The following AFF3 variants were observed in gnomAD, a reference collection of about 807,000 sequenced individuals.
The protein encoded by AFF3 is AF4/FMR2 family member 3.
In AFF3, 32 loss-of-function variants were observed where a neutral mutation model predicts 129.7. The observed-to-expected ratio is 0.25, with a 90% CI of 0.19 to 0.33. The LOEUF is 0.33. AFF3 is among the 10% of genes least tolerant of loss of function. The pLI is 1.00. For synonymous variants in AFF3, 644 were observed against 635.4 expected, an observed-to-expected ratio of 1.01 and a Z score of -0.20; for missense variants, 1,373 against 1,592.0, an observed-to-expected ratio of 0.86 and a Z score of 2.34.
At chr2:99,623,070 C>T (rs967488379) in intron 13 of AFF3, among the ~76,000 whole-genome samples, 1 of 151,756 alleles carries the variant, frequency 6.6e-6, no homozygotes, top group Non-Finnish European at 1.5e-5. Context: ...CTTCAGAGCA[C>T]ACCTGGCAGC....
intron 4 of AFF3, among the ~76,000 whole-genome samples, chr2:100,026,951 G>A (rs1684103240): frequency 1.3e-5 from 2 of 151,868 alleles, no homozygotes; most frequent in African/African-American, 2.4e-5. Flanking sequence ...AGGGTGGCAA[G>A]GGATAAAAGA....
intron 24 of AFF3, among the ~76,000 whole-genome samples, chr2:99,553,237 T>C (rs1394791744): frequency 6.6e-6 from 1 of 152,218 alleles, no homozygotes; most frequent in Non-Finnish European, 1.5e-5. Context: ...CATGGTTCCA[T>C]GCCAGCTCCT....
At chr2:100,080,462 A>C (rs917075444) in intron 4 of AFF3, among the ~76,000 whole-genome samples, 1 of 151,638 alleles carries the variant, frequency 6.6e-6, no homozygotes, top group African/African-American at 2.4e-5. Context: ...AACAAACAAA[A>C]ACTCTATGCA....
At chr2:100,093,866 T>C (rs190839121) in intron 4 of AFF3, among the ~76,000 whole-genome samples, 15 of 152,340 alleles carry the variant, frequency 9.8e-5, no homozygotes, top group Middle Eastern at 3.4e-3. Flanking sequence ...GACTTCATCC[T>C]AGACAGTCAC....
At chr2:99,767,472 C>A (rs1436993551) in intron 8 of AFF3, among the ~76,000 whole-genome samples, 3 of 152,194 alleles carry the variant, frequency 2.0e-5, no homozygotes, top group African/African-American at 7.2e-5. Flanking sequence ...ACTAAACATT[C>A]CACAGGTGTT....
intron 8 of AFF3, among the ~76,000 whole-genome samples, chr2:99,806,457 G>T (rs535384139): frequency 5.2e-4 from 79 of 152,152 alleles, no homozygotes; most frequent in Non-Finnish European, 9.7e-4. Flanking sequence ...AGGACCCCAG[G>T]AGCATGGAGG....
chr2:99,679,211 G>A (rs918553807), intron 11 of AFF3, among the ~76,000 whole-genome samples: 19 of 152,148 alleles, frequency 1.2e-4, no homozygotes, highest in African/African-American at 4.3e-4. Context: ...TAGCAAGGTG[G>A]TATTTGCTCA....
chr2:100,076,209 T>C (rs1216537689), intron 4 of AFF3, among the ~76,000 whole-genome samples: 2 of 152,182 alleles, frequency 1.3e-5, no homozygotes, highest in African/African-American at 4.8e-5. Flanking sequence ...AACTCTGCCT[T>C]ATCCTCAATT....
At chr2:100,048,996 A>C (rs1273780152) in intron 4 of AFF3, among the ~76,000 whole-genome samples, 3 of 152,196 alleles carry the variant, frequency 2.0e-5, no homozygotes, top group Admixed American at 2.0e-4. Flanking sequence ...CTGGCTTCCA[A>C]AGCACAACTG....
chr2:99,571,355 G>C (rs532580784), intron 18 of AFF3, among the ~76,000 whole-genome samples: 212 of 152,126 alleles, frequency 1.4e-3, no homozygotes, highest in Non-Finnish European at 2.4e-3. Context: ...TTTCATTAAA[G>C]GATTATCTTG....
At chr2:99,834,629 T>G (rs1324942886) in intron 8 of AFF3, among the ~76,000 whole-genome samples, 1 of 152,202 alleles carries the variant, frequency 6.6e-6, no homozygotes, top group Non-Finnish European at 1.5e-5. Flanking sequence ...GTTTCTGTGG[T>G]CTAATCCATT....
intron 7 of AFF3, among the ~76,000 whole-genome samples, chr2:99,879,923 CCAAA>C (rs776445774): frequency 4.6e-5 from 7 of 152,120 alleles, no homozygotes; most frequent in African/African-American, 1.2e-4. Context: ...CAGTTAAAAA[CCAAA>C]CAGAGCATCA....
chr2:99,591,937 T>C (rs1678722669), intron 15 of AFF3, among the ~76,000 whole-genome samples: 1 of 152,206 alleles, frequency 6.6e-6, no homozygotes, highest in African/African-American at 2.4e-5. Flanking sequence ...ATTTAACATG[T>C]ATAAAGTGCC....
At chr2:99,929,893 G>A (rs184594044) in intron 7 of AFF3, among the ~76,000 whole-genome samples, 50 of 151,370 alleles carry the variant, frequency 3.3e-4, no homozygotes, top group South Asian at 1.3e-3. Context: ...GGGTAAATGC[G>A]CCATTATACA....
intron 4 of AFF3, among the ~76,000 whole-genome samples, chr2:100,096,216 A>G (rs898989907): frequency 2.0e-5 from 3 of 152,152 alleles, no homozygotes; most frequent in African/African-American, 7.2e-5. Flanking sequence ...AAGACTATAC[A>G]GTTACTCTCA....
chr2:100,104,839 G>C, intron 3 of AFF3: 1 of 497,852 alleles, frequency 2.0e-6, no homozygotes, highest in Non-Finnish European at 2.5e-6. Context: ...CTCTGCGCCC[G>C]CCCGCCCGCC....
chr2:99,718,188 AT>A (rs1678555268), intron 11 of AFF3, among the ~76,000 whole-genome samples: 1 of 152,182 alleles, frequency 6.6e-6, no homozygotes, highest in African/African-American at 2.4e-5. Context: ...CTGTAAAACC[AT>A]TTTCTATAAA....
At chr2:100,040,189 T>C (rs1453000309) in intron 4 of AFF3, among the ~76,000 whole-genome samples, 1 of 152,164 alleles carries the variant, frequency 6.6e-6, no homozygotes, top group Non-Finnish European at 1.5e-5. Flanking sequence ...CCCAGTGTTA[T>C]TAAGTAATAT....
intron 7 of AFF3, among the ~76,000 whole-genome samples, chr2:99,900,981 G>A (rs1376987445): frequency 1.3e-5 from 2 of 152,186 alleles, no homozygotes; most frequent in South Asian, 2.1e-4. Context: ...CCACAGGCTC[G>A]TAAAAATGCA....
Sources: allele counts gnomAD v4.1 joint callset (sites outside exome capture counted in the v4.1 genomes callset), GRCh38; gene constraint gnomAD v4.1.1; transcripts MANE v1.5; gene names NCBI Gene and HGNC (gene_info 2026-07-23, HGNC 2026-07-21).